Variants in ADAM10 observed in about 807,000 individuals in gnomAD.
ADAM10 encodes disintegrin and metalloproteinase domain-containing protein 10.
ADAM10 carries 17 observed loss-of-function variants against 90.1 expected under a neutral mutation model. The ratio of observed to expected loss-of-function variants is 0.19; its 90% confidence interval spans 0.13 to 0.28. The LOEUF (loss-of-function observed/expected upper bound fraction) is 0.28, where lower values mean the gene tolerates loss of function less well. Ranked by LOEUF, ADAM10 falls within the 10% of genes least tolerant of loss-of-function variation. The probability of loss-of-function intolerance (pLI) is 1.00; values close to 1 mark genes in which losing one functional copy is unlikely to be tolerated. For synonymous variants in ADAM10, 310 were observed against 298.6 expected, an observed-to-expected ratio of 1.04 and a Z score of -0.40; for missense variants, 610 against 914.3, an observed-to-expected ratio of 0.67 and a Z score of 4.29.
chr15:58,662,967 C>T (rs547130403), intron 5 of ADAM10, among the ~76,000 whole-genome samples: 12 of 152,286 alleles, frequency 7.9e-5, no homozygotes, highest in African/African-American at 2.9e-4. Flanking sequence ...CGACTCCAGC[C>T]AAGAAGGCAG....
Position 58,592,372 on chromosome 15 carries a change from TCA to T in ADAM10, c.*5173_*5174del, listed in dbSNP as rs1312729756. ...AATTCTGTCCACTACCATCATTAACTCACAGAGTTAAATACAATACTATGAGT... is the reference window on the plus strand; with the variant it reads ...AATTCTGTCCACTACCATCATTAACTCAGAGTTAAATACAATACTATGAGT... On this transcript the variant is annotated 3_prime_UTR_variant, in exon 16 of 16. Transcript: ENST00000260408. 2.0e-5 allele frequency: 3 copies of T among 152,230 alleles called. No individual in the cohort carries two copies. The highest frequency in any genetic ancestry group is 7.2e-5 in the African/African-American group (3 of 41,466). The allele number at this position is 152,230 out of a possible 1,614,324, so 9.4% of individuals were successfully genotyped here.
At position 58,646,213 on chromosome 15, in the gene ADAM10, CA is replaced by C; in HGVS notation, c.586-10del. ...TGTTCTTCTTGAGGTATCTATACAT[CA>C]AAAAGTCATTTCTGACAATTAGTAT... On this transcript the variant is annotated splice_polypyrimidine_tract_variant and intron_variant, in intron 5 of 15. Coordinates refer to ENST00000260408, the MANE Select transcript of ADAM10 (RefSeq NM_001110.4). The C allele has an allele frequency of 6.2e-7, 1 of 1,610,526 alleles. No homozygotes were observed.
At chr15:58,697,359 G>A (rs368176286) in intron 2 of ADAM10, among the ~76,000 whole-genome samples, 22 of 152,006 alleles carry the variant, frequency 1.4e-4, no homozygotes, top group African/African-American at 4.8e-4. Flanking sequence ...GGCCCCACTC[G>A]AGCACTCCAC....
chr15:58,713,992 G>A (rs1325806007), intron 2 of ADAM10, among the ~76,000 whole-genome samples: 5 of 151,852 alleles, frequency 3.3e-5, no homozygotes, highest in Non-Finnish European at 7.4e-5. Context: ...TTTTAGTAGA[G>A]ACGGGGTTAC....
intron 2 of ADAM10, among the ~76,000 whole-genome samples, chr15:58,714,616 G>A (rs751693886): frequency 1.3e-5 from 2 of 151,972 alleles, no homozygotes; most frequent in Non-Finnish European, 2.9e-5. Flanking sequence ...ACATCTTATA[G>A]GCTGGGCTAC....
At position 58,674,364 on chromosome 15, in the gene ADAM10, C is replaced by A. The variant is rs1897266523; in HGVS notation, c.484+4760G>T. Among the ~76,000 whole-genome samples the A allele has an allele frequency of 2.0e-5, 3 of 152,178 alleles. No homozygotes were observed. In the South Asian group the frequency reaches 6.2e-4, roughly 31 times the overall value. On this transcript the variant is annotated intron_variant, in intron 4 of 15. Coordinates refer to ENST00000260408, the MANE Select transcript of ADAM10 (RefSeq NM_001110.4). ...AGAGATTAACCAATACACTTGTATG[C>A]ACTGTGGGAGTTCAGAAGTCAAACA...
intron 2 of ADAM10, among the ~76,000 whole-genome samples, chr15:58,702,943 A>G (rs1346251309): frequency 6.6e-6 from 1 of 152,180 alleles, no homozygotes; most frequent in Non-Finnish European, 1.5e-5. Context: ...AATTTGACAT[A>G]ATTTATTCCG....
intron 14 of ADAM10, among the ~76,000 whole-genome samples, chr15:58,603,546 T>A (rs973012477): frequency 5.3e-5 from 8 of 152,140 alleles, no homozygotes; most frequent in African/African-American, 1.7e-4. Context: ...CTAAAGTCAT[T>A]ATCATCTTCA....
chr15:58,686,933 A>G (rs1197975058), intron 2 of ADAM10, among the ~76,000 whole-genome samples: 1 of 152,232 alleles, frequency 6.6e-6, no homozygotes, highest in African/African-American at 2.4e-5. Flanking sequence ...TAAGATTTCT[A>G]TACCTGGAAT....
chr15:58,640,698 C>CTT (rs1315043807), intron 8 of ADAM10, 79 bp downstream of exon 8: 6 of 1,371,704 alleles, frequency 4.4e-6, no homozygotes, highest in Non-Finnish European at 5.1e-6. Context: ...TTCTCCTATA[C>CTT]TTTGAAAATT....
rs1412560320 is a variant in ADAM10 at position 58,749,379 on chromosome 15, C to A, written c.55+101G>T. ...AGAGTGGCGCCGCTGGCCGGCTGGG[C>A]TGACTGACGCGCACGCCGCGAGGCG... On this transcript the variant is annotated intron_variant, in intron 1 of 15. Coordinates refer to ENST00000260408, the MANE Select transcript of ADAM10 (RefSeq NM_001110.4). 45 of 1,256,440 alleles carry A rather than the reference C, an allele frequency of 3.6e-5. No individual in the cohort carries two copies. In the Admixed American group the frequency reaches 1.0e-3, roughly 28 times the overall value. The allele number at this position is 1,256,440 out of a possible 1,614,324, so 77.8% of individuals were successfully genotyped here. A position where few individuals can be genotyped will look rare whatever the true frequency, so the allele number is the denominator to read the frequency against.
intron 14 of ADAM10, among the ~76,000 whole-genome samples, chr15:58,605,808 G>C (rs1230697353): frequency 1.3e-5 from 2 of 151,992 alleles, no homozygotes; most frequent in East Asian, 3.8e-4. Context: ...GTTCAATACA[G>C]GCACTTAAAC....
chr15:58,723,678 CT>C (rs1355677423), intron 1 of ADAM10, among the ~76,000 whole-genome samples: 4 of 152,052 alleles, frequency 2.6e-5, no homozygotes, highest in African/African-American at 9.7e-5. Context: ...GCTCTCCAGC[CT>C]GGGCAACAAC....
intron 5 of ADAM10, among the ~76,000 whole-genome samples, chr15:58,653,124 T>G (rs1043348260): frequency 2.0e-5 from 3 of 152,166 alleles, no homozygotes; most frequent in African/African-American, 7.2e-5. Flanking sequence ...TGGTGGAGTC[T>G]ATGGGTTTTT....
intron 1 of ADAM10, among the ~76,000 whole-genome samples, chr15:58,726,558 T>A (rs1331735776): frequency 7.3e-5 from 5 of 68,760 alleles, no homozygotes; most frequent in Admixed American, 3.1e-4. Flanking sequence ...GAGCGAGACC[T>A]CAGTCTCCCA....
intron 5 of ADAM10, among the ~76,000 whole-genome samples, chr15:58,655,739 A>ATTTTTTT (rs1896811718): frequency 1.2e-5 from 1 of 80,548 alleles, no homozygotes; most frequent in African/African-American, 4.7e-5. Context: ...ATATATATAT[A>ATTTTTTT]TTCTTTTTTT....
At chr15:58,669,885 T>C (rs943946877) in intron 4 of ADAM10, among the ~76,000 whole-genome samples, 1 of 152,128 alleles carries the variant, frequency 6.6e-6, no homozygotes, top group Non-Finnish European at 1.5e-5. Flanking sequence ...GAGTACATAA[T>C]GTATAATTGT....
intron 4 of ADAM10, among the ~76,000 whole-genome samples, chr15:58,673,366 C>T (rs1297075203): frequency 6.9e-6 from 1 of 145,582 alleles, no homozygotes; most frequent in Non-Finnish European, 1.5e-5. Flanking sequence ...TTACTCTTAA[C>T]TGAATACCAC....
intron 14 of ADAM10, among the ~76,000 whole-genome samples, chr15:58,600,130 T>C (rs75529953): frequency 0.035 from 5,309 of 151,370 alleles, 100 homozygotes; most frequent in Middle Eastern, 0.054. Context: ...CTCTTTTTTC[T>C]CCCTCAAATG....
Sources: allele counts gnomAD v4.1 joint callset (sites outside exome capture counted in the v4.1 genomes callset), GRCh38; gene constraint gnomAD v4.1.1; transcripts MANE v1.5; gene names NCBI Gene and HGNC (gene_info 2026-07-23, HGNC 2026-07-21).